FAT4: variants seen among roughly 807,000 people sequenced by gnomAD.
FAT4 encodes the protein protocadherin Fat 4.
A neutral mutation model predicts 303.9 loss-of-function variants in FAT4; 84 were observed. The observed-to-expected ratio is 0.28, with a 90% CI of 0.23 to 0.33. FAT4 has a LOEUF of 0.33. Ranked by LOEUF, FAT4 falls within the 10% of genes least tolerant of loss-of-function variation. The probability of loss-of-function intolerance (pLI) is 1.00; values close to 1 mark genes in which losing one functional copy is unlikely to be tolerated. For synonymous variants in FAT4, 2,307 were observed against 2,298.8 expected (o/e 1.00, Z -0.10); for missense variants, 6,005 against 6,146.8 (o/e 0.98, Z 0.77).
rs1370184607 is a variant in FAT4 at position 125,491,145 on chromosome 4, G to C, written c.14329G>C (p.Gly4777Arg). ...RPGSRLKQPI[G>R]QIPLESSPPV... ...AGGGAGTCGCCTAAAGCAGCCGATTGGGCAGATTCCACTGGAATCTTCTCC... is the reference window on the plus strand; with the variant it reads ...AGGGAGTCGCCTAAAGCAGCCGATTCGGCAGATTCCACTGGAATCTTCTCC... Residue 4777 changes from glycine to arginine, a missense_variant, in exon 18 of 18, where the codon GGG (glycine) becomes CGG (arginine). Transcript: ENST00000394329. The C allele has an allele frequency of 6.2e-7, 1 of 1,614,000 alleles. No individual in the cohort carries two copies. Among genetic ancestry groups the C allele is most frequent in the African/African-American group, 1.3e-5 (1 of 74,920 alleles).
Position 125,317,102 on chromosome 4 carries a change from C to A in FAT4, c.691C>A (p.Arg231=). 6.2e-7 allele frequency: 1 copy of A among 1,613,876 alleles called. No individual in the cohort carries two copies. The highest frequency in any genetic ancestry group is 8.5e-7 in the Non-Finnish European group (1 of 1,180,036). Residue 231 remains arginine, a synonymous_variant, in exon 2 of 18, where the codon CGG becomes AGG. Transcript: ENST00000394329. This position sits in a 1 kb window ranked among gnomAD's most constrained non-coding sequence, Gnocchi z 7.0. ...EVEDKGEPKR[R]GYLQVNVTVQ... is the part of the protein sequence containing the mutation. ...GGAGGACAAGGGTGAGCCTAAGCGG[C>A]GGGGCTACCTTCAGGTAAACGTGAC...
chr4:125,321,030 C>T lies in FAT4; in HGVS notation c.4619C>T (p.Ser1540Leu), dbSNP rs1358239191. The change falls in exon 2 of 18, where the codon TCA becomes TTA. Residue 1540 changes from serine to leucine, a missense_variant. Transcript: ENST00000394329. ...CAAAACGCCCTTGCTGCAGACCCATCAGCTGTGATTGGTTCCGTTCTGACA... is the reference window on the plus strand; with the variant it reads ...CAAAACGCCCTTGCTGCAGACCCATTAGCTGTGATTGGTTCCGTTCTGACA... ...ISQNALAADPSAVIGSVLTTI... is the reference protein window; with the variant it reads ...ISQNALAADPLAVIGSVLTTI... The T allele has an allele frequency of 1.9e-6, 3 of 1,614,080 alleles. No individual in the cohort carries two copies. The highest frequency in any genetic ancestry group is 4.5e-5 in the East Asian group (2 of 44,898).
chr4:125,438,627 A>G (rs923349549), intron 8 of FAT4, among the ~76,000 whole-genome samples: 2 of 152,214 alleles, frequency 1.3e-5, no homozygotes, highest in African/African-American at 4.8e-5. Context: ...TGAATAAAAA[A>G]CATTCAATTC....
At chr4:125,330,412 G>T (rs1457885483) in intron 2 of FAT4, among the ~76,000 whole-genome samples, 1 of 152,142 alleles carries the variant, frequency 6.6e-6, no homozygotes, top group Admixed American at 6.5e-5. Context: ...AATGCCCCTG[G>T]AACTAGTTGT....
At chr4:125,443,796 G>A (rs1725739185) in intron 8 of FAT4, among the ~76,000 whole-genome samples, 1 of 152,216 alleles carries the variant, frequency 6.6e-6, no homozygotes, top group Middle Eastern at 3.4e-3. Flanking sequence ...AGCAAGAGAG[G>A]TCATCAGGAG....
At chr4:125,421,664 A>G (rs1724895027) in intron 7 of FAT4, among the ~76,000 whole-genome samples, 1 of 152,180 alleles carries the variant, frequency 6.6e-6, no homozygotes, top group Non-Finnish European at 1.5e-5. Context: ...AAAGAAAGCT[A>G]CATATGAAAA....
At chr4:125,340,797 A>G (rs1030465843) in intron 2 of FAT4, among the ~76,000 whole-genome samples, 5 of 152,140 alleles carry the variant, frequency 3.3e-5, no homozygotes, top group African/African-American at 1.2e-4. Flanking sequence ...TAGTAACAGT[A>G]GTAGTAGTAG....
intron 2 of FAT4, among the ~76,000 whole-genome samples, chr4:125,352,282 G>C (rs943622306): frequency 2.0e-5 from 3 of 151,312 alleles, no homozygotes; most frequent in Non-Finnish European, 4.4e-5. Flanking sequence ...TCAAACTAGA[G>C]CTGAAAAAAA....
At chr4:125,413,072 A>T (rs190443884) in intron 5 of FAT4, among the ~76,000 whole-genome samples, 1 of 151,934 alleles carries the variant, frequency 6.6e-6, no homozygotes, top group East Asian at 1.9e-4. Context: ...TCAAATATGT[A>T]TATGTTATAA....
At chr4:125,420,630 C>T (rs560759184) in intron 7 of FAT4, among the ~76,000 whole-genome samples, 313 of 152,240 alleles carry the variant, frequency 2.1e-3, no homozygotes, top group Non-Finnish European at 3.3e-3. Flanking sequence ...AAAAGCAGCA[C>T]AAGTGTTTAA....
chr4:125,370,233 T>C (rs1160845938), intron 2 of FAT4, among the ~76,000 whole-genome samples: 2 of 152,212 alleles, frequency 1.3e-5, no homozygotes, highest in Non-Finnish European at 2.9e-5. Context: ...TTGTTATAGC[T>C]AATAGCTATT....
intron 2 of FAT4, among the ~76,000 whole-genome samples, chr4:125,381,819 C>T (rs907924813): frequency 6.6e-6 from 1 of 152,172 alleles, no homozygotes; most frequent in Admixed American, 6.5e-5. Context: ...GGAGTCAATC[C>T]TCTCAAACCC....
At chr4:125,352,674 G>A (rs1732271592) in intron 2 of FAT4, among the ~76,000 whole-genome samples, 1 of 151,750 alleles carries the variant, frequency 6.6e-6, no homozygotes. Flanking sequence ...TCAGAGACAA[G>A]TTCTTCAGAT....
intron 2 of FAT4, among the ~76,000 whole-genome samples, chr4:125,359,165 C>T (rs1428742482): frequency 6.6e-6 from 1 of 151,990 alleles, no homozygotes; most frequent in East Asian, 1.9e-4. Context: ...CATTTAATGC[C>T]CCCAATTATT....
intron 7 of FAT4, among the ~76,000 whole-genome samples, chr4:125,418,095 C>A (rs1166680530): frequency 1.3e-5 from 2 of 152,094 alleles, no homozygotes; most frequent in African/African-American, 4.8e-5. Context: ...TGTTTTCATT[C>A]AAAAGTCAAA....
intron 2 of FAT4, among the ~76,000 whole-genome samples, chr4:125,329,157 T>C (rs1393739728): frequency 6.6e-6 from 1 of 152,196 alleles, no homozygotes; most frequent in Non-Finnish European, 1.5e-5. Context: ...TTTCAGTTGC[T>C]CATTTATTTT....
At position 125,415,672 on chromosome 4, in the gene FAT4, A is replaced by G. The variant is rs1343605294; in HGVS notation, c.6709A>G (p.Thr2237Ala). 3.1e-6 allele frequency: 5 copies of G among 1,613,972 alleles called. No individual in the cohort carries two copies. The highest frequency in any genetic ancestry group is 1.3e-5 in the African/African-American group (1 of 74,932). ...LTVQATDRGS[T>A]PRTDTSTVSI... is the part of the protein sequence containing the mutation. ...TGTTCAGGCAACAGATCGAGGCAGC[A>G]CACCCAGAACTGATACCTCCACGGT... The change falls in exon 6 of 18, where the codon ACA (threonine) becomes GCA (alanine). Residue 2237 changes from threonine to alanine, a missense_variant. Physicochemically the swap from Thr to Ala is moderately conservative, Grantham distance 58. Transcript: ENST00000394329.
At position 125,316,292 on chromosome 4, in the gene FAT4, G is replaced by A. The variant is rs1375388027; in HGVS notation, c.-12-108G>A. The A allele has an allele frequency of 2.1e-5, 28 of 1,337,102 alleles. No individual in the cohort carries two copies. The Admixed American group carries it at 5.3e-4, about 25-fold the overall frequency. 82.8% of individuals were successfully genotyped at this position (1,337,102 alleles called of 1,614,324 possible). A position where few individuals can be genotyped will look rare whatever the true frequency, so the allele number is the denominator to read the frequency against. ...GGACTGGAGGTTCTTTGAAATAGCAGAGGTCTCAGACCAAGCCGTCAGCTG... is the reference window on the plus strand; with the variant it reads ...GGACTGGAGGTTCTTTGAAATAGCAAAGGTCTCAGACCAAGCCGTCAGCTG... On this transcript the variant is annotated intron_variant, in intron 1 of 17. Coordinates refer to ENST00000394329, the MANE Select transcript of FAT4 (RefSeq NM_001291303.3). This position sits in a 1 kb window ranked among gnomAD's most constrained non-coding sequence, Gnocchi z 5.7.
intron 12 of FAT4, among the ~76,000 whole-genome samples, chr4:125,475,529 T>C (rs1046544848): frequency 1.3e-5 from 2 of 152,158 alleles, no homozygotes; most frequent in African/African-American, 4.8e-5. Flanking sequence ...TGGGGATTTT[T>C]TACTGTAAAG....
Sources: gnomAD v4.1 joint callset for allele counts (sites outside exome capture counted in the v4.1 genomes callset) on GRCh38, gnomAD v4.1.1 for gene constraint, Gnocchi (gnomAD v3.1) non-coding constraint, MANE v1.5 for transcripts, NCBI Gene and HGNC (gene_info 2026-07-23, HGNC 2026-07-21) for gene names.